Variants in AKAP19 observed in about 807,000 individuals in gnomAD.
AKAP19 encodes small A-kinase anchoring protein.
chr2:190,132,526 T>C, the AKAP19 span, among the ~76,000 whole-genome samples: 1 of 152,148 alleles, frequency 6.6e-6, no homozygotes, highest in African/African-American at 2.4e-5. Context: ...GCATATACAA[T>C]GGGAGAAAGA....
the AKAP19 span, among the ~76,000 whole-genome samples, chr2:189,994,896 G>T: frequency 6.6e-6 from 1 of 152,310 alleles, no homozygotes; most frequent in African/African-American, 2.4e-5. Flanking sequence ...ACCATGCCTG[G>T]CCTGGAGCAG....
At chr2:190,111,520 G>A in the AKAP19 span, among the ~76,000 whole-genome samples, 5 of 152,158 alleles carry the variant, frequency 3.3e-5, no homozygotes, top group South Asian at 1.0e-3. Flanking sequence ...TAATGAATAT[G>A]CCAGCATAAT....
chr2:189,968,978 C>G, the AKAP19 span, among the ~76,000 whole-genome samples: 1 of 151,872 alleles, frequency 6.6e-6, no homozygotes, highest in Non-Finnish European at 1.5e-5. Context: ...TTTCTGTTAT[C>G]CAAATACCTG....
chr2:189,918,690 A>C, the AKAP19 span, among the ~76,000 whole-genome samples: 1 of 152,212 alleles, frequency 6.6e-6, no homozygotes, highest in Non-Finnish European at 1.5e-5. Context: ...TGGTAGTCAA[A>C]TATATAGTTG....
At chr2:189,880,753 T>C in the AKAP19 span, among the ~76,000 whole-genome samples, 1 of 152,220 alleles carries the variant, frequency 6.6e-6, no homozygotes, top group Admixed American at 6.5e-5. Context: ...TTTCACACTC[T>C]TTACAGTACC....
At chr2:190,120,368 G>A in the AKAP19 span, among the ~76,000 whole-genome samples, 1 of 152,120 alleles carries the variant, frequency 6.6e-6, no homozygotes, top group Non-Finnish European at 1.5e-5. Context: ...AAGCTGGGGG[G>A]GGCCTGTCTC....
At chr2:190,056,982 G>A in the AKAP19 span, 19 of 343,350 alleles carry the variant, frequency 5.5e-5, no homozygotes, top group Non-Finnish European at 9.1e-5. Context: ...TCATTTCCTC[G>A]CCGATGTTGT....
chr2:190,186,608 T>G, the AKAP19 span, among the ~76,000 whole-genome samples: 648 of 152,322 alleles, frequency 4.3e-3, 9 homozygotes, highest in Admixed American at 0.023. This position sits in a 1 kb window ranked among gnomAD's most constrained non-coding sequence, Gnocchi z 5.5. Flanking sequence ...CAAAGAACAC[T>G]ACATTTAAAT....
At chr2:189,897,257 C>T in the AKAP19 span, among the ~76,000 whole-genome samples, 1 of 152,082 alleles carries the variant, frequency 6.6e-6, no homozygotes, top group Non-Finnish European at 1.5e-5. Context: ...TTTTAAAACA[C>T]AGAGTCTGTC....
At chr2:189,950,334 G>GTT in the AKAP19 span, among the ~76,000 whole-genome samples, 2,855 of 137,128 alleles carry the variant, frequency 0.021, 62 homozygotes, top group African/African-American at 0.063. Flanking sequence ...AGCCTTTTTT[G>GTT]TTTTTTTTTT....
chr2:190,175,139 A>G, the AKAP19 span, among the ~76,000 whole-genome samples: 1 of 152,286 alleles, frequency 6.6e-6, no homozygotes, highest in African/African-American at 2.4e-5. Flanking sequence ...AGGCACGTCT[A>G]CCTCTTTGGG....
the AKAP19 span, among the ~76,000 whole-genome samples, chr2:190,146,911 G>A: frequency 6.6e-6 from 1 of 152,174 alleles, no homozygotes; most frequent in African/African-American, 2.4e-5. Flanking sequence ...TCCTTTGTCA[G>A]ATGTATAGAT....
chr2:190,034,587 G>A, the AKAP19 span, among the ~76,000 whole-genome samples: 1 of 144,208 alleles, frequency 6.9e-6, no homozygotes, highest in Admixed American at 7.1e-5. Context: ...ACTCACGCCT[G>A]TAACCCCAGA....
chr2:190,038,897 TTTCTTTCTTCTTC>T, the AKAP19 span, among the ~76,000 whole-genome samples: 1,260 of 62,032 alleles, frequency 0.02, 8 homozygotes, highest in East Asian at 0.034. Context: ...TCTTTCTTTC[TTTCTTTCTTCTTC>T]TTCTTCTTCT....
chr2:189,981,730 G>T, the AKAP19 span, among the ~76,000 whole-genome samples: 1 of 152,144 alleles, frequency 6.6e-6, no homozygotes, highest in Non-Finnish European at 1.5e-5. Context: ...GTCTGAGAAA[G>T]ACTTTATTTC....
At chr2:189,909,166 A>G in the AKAP19 span, among the ~76,000 whole-genome samples, 2 of 151,918 alleles carry the variant, frequency 1.3e-5, no homozygotes, top group Non-Finnish European at 2.9e-5. Flanking sequence ...GTCTGATAGT[A>G]GAATAGTCAC....
At chr2:190,129,292 A>T in the AKAP19 span, among the ~76,000 whole-genome samples, 1 of 152,238 alleles carries the variant, frequency 6.6e-6, no homozygotes, top group East Asian at 1.9e-4. Flanking sequence ...GAAGATTTCA[A>T]TTAAAAAATT....
chr2:189,945,166 C>A, the AKAP19 span, among the ~76,000 whole-genome samples: 6 of 152,244 alleles, frequency 3.9e-5, no homozygotes, highest in Admixed American at 1.3e-4. Context: ...AACAAACCAA[C>A]AATGCACCTC....
chr2:190,054,536 GA>G, the AKAP19 span, among the ~76,000 whole-genome samples: 2 of 152,194 alleles, frequency 1.3e-5, no homozygotes, highest in African/African-American at 4.8e-5. Context: ...ACTACCATCA[GA>G]GTGACCAGGC....
Sources: gnomAD v4.1 joint callset for allele counts (sites outside exome capture counted in the v4.1 genomes callset) on GRCh38, gnomAD v4.1.1 for gene constraint, Gnocchi (gnomAD v3.1) non-coding constraint, MANE v1.5 for transcripts, NCBI Gene and HGNC (gene_info 2026-07-23, HGNC 2026-07-21) for gene names.